Variants in DDAH1 observed in about 807,000 individuals in gnomAD.
The protein encoded by DDAH1 is N(G),N(G)-dimethylarginine dimethylaminohydrolase 1.
A neutral mutation model predicts 28.8 loss-of-function variants in DDAH1; 19 were observed. That is an observed-to-expected ratio of 0.66 (90% CI 0.46 to 0.97). The LOEUF (loss-of-function observed/expected upper bound fraction) is 0.97. DDAH1 is among the 50% of genes least tolerant of loss of function. The probability of loss-of-function intolerance (pLI) is 0.00; values close to 1 mark genes in which losing one functional copy is unlikely to be tolerated. For missense variants in DDAH1, 326 were observed against 375.9 expected (o/e 0.87, Z 1.10); for synonymous variants, 153 against 154.4 (o/e 0.99, Z 0.07).
chr1:85,568,068 TCTAAATAAC>T (rs1482767081), intron 1 of DDAH1, among the ~76,000 whole-genome samples: 1 of 152,078 alleles, frequency 6.6e-6, no homozygotes, highest in Non-Finnish European at 1.5e-5. Context: ...ATAACACACT[TCTAAATAAC>T]CTGAGTCAAA....
At chr1:85,332,405 C>T (rs1489778452) in intron 4 of DDAH1, among the ~76,000 whole-genome samples, 1 of 152,210 alleles carries the variant, frequency 6.6e-6, no homozygotes, top group Non-Finnish European at 1.5e-5. Context: ...CCTGGGGCCA[C>T]TGTCAATGAA....
intron 1 of DDAH1, among the ~76,000 whole-genome samples, chr1:85,499,583 G>A (rs939281173): frequency 6.6e-6 from 1 of 151,834 alleles, no homozygotes; most frequent in Non-Finnish European, 1.5e-5. Flanking sequence ...GCTGAGGCAG[G>A]AGAATTGCTT....
intron 5 of DDAH1, among the ~76,000 whole-genome samples, chr1:85,324,372 C>A (rs942402646): frequency 1.3e-5 from 2 of 151,792 alleles, no homozygotes; most frequent in African/African-American, 4.8e-5. Context: ...TGTCAGAAAA[C>A]AGCGATACCG....
chr1:85,367,391 G>T (rs1650131476), intron 1 of DDAH1, among the ~76,000 whole-genome samples: 1 of 152,126 alleles, frequency 6.6e-6, no homozygotes, highest in Non-Finnish European at 1.5e-5. Context: ...GCGCTCTGAG[G>T]ATTTGAGTAG....
intron 1 of DDAH1, among the ~76,000 whole-genome samples, chr1:85,449,492 C>T (rs1039162927): frequency 6.6e-6 from 1 of 152,116 alleles, no homozygotes; most frequent in African/African-American, 2.4e-5. Flanking sequence ...GGCTGACCAA[C>T]AGACCTATTG....
rs776231788 is a variant in DDAH1 at position 85,350,364 on chromosome 1, C to T, written c.597+51G>A. 1.9e-6 allele frequency: 3 copies of T among 1,590,566 alleles called. No individual in the cohort carries two copies. The South Asian group carries it at 3.5e-5, about 18-fold the overall frequency. ...CCCAGCAGAGAGAATGTGAAAAACC[C>T]TGTGGCAGGCACCCCCACTACATTT... On this transcript the variant is annotated intron_variant, in intron 4 of 5. Coordinates refer to ENST00000284031, the MANE Select transcript of DDAH1 (RefSeq NM_012137.4).
intron 1 of DDAH1, among the ~76,000 whole-genome samples, chr1:85,430,777 T>C (rs539291142): frequency 6.6e-6 from 1 of 152,284 alleles, no homozygotes; most frequent in East Asian, 1.9e-4. Flanking sequence ...CTTATCAGCT[T>C]AGGGAGATAT....
chr1:85,321,399 G>C lies in DDAH1; in HGVS notation c.*53C>G. On this transcript the variant is annotated 3_prime_UTR_variant, in exon 6 of 6. Transcript: ENST00000284031. Reference sequence around the variant, plus strand: ...GGAAAACAACAGGAGTGGGCACAGAGTCATCGGCCTTGCCTGTGCGGTCTT... The same window carrying C: ...GGAAAACAACAGGAGTGGGCACAGACTCATCGGCCTTGCCTGTGCGGTCTT... The C allele has an allele frequency of 8.9e-7, 1 of 1,125,148 alleles. No individual in the cohort carries two copies. The highest frequency in any genetic ancestry group is 1.4e-6 in the Non-Finnish European group (1 of 735,372). 69.7% of individuals were successfully genotyped at this position (1,125,148 alleles called of 1,614,324 possible).
At chr1:85,511,903 C>T (rs879448234) in intron 1 of DDAH1, among the ~76,000 whole-genome samples, 32 of 152,212 alleles carry the variant, frequency 2.1e-4, no homozygotes, top group East Asian at 5.8e-4. Flanking sequence ...GATTCACAGC[C>T]GAATTCTACC....
At chr1:85,383,468 G>C (rs2100912813) in intron 1 of DDAH1, among the ~76,000 whole-genome samples, 1 of 152,278 alleles carries the variant, frequency 6.6e-6, no homozygotes, top group African/African-American at 2.4e-5. Context: ...AACTGCTCCT[G>C]GTGAAGATGC....
chr1:85,472,749 A>T (rs565146795), intron 2 of DDAH1, among the ~76,000 whole-genome samples: 158 of 152,298 alleles, frequency 1.0e-3, no homozygotes, highest in South Asian at 3.7e-3. Context: ...TTCAGCGGGT[A>T]CATGTGCGGG....
intron 4 of DDAH1, among the ~76,000 whole-genome samples, chr1:85,347,611 T>C (rs918295898): frequency 6.6e-6 from 1 of 151,480 alleles, no homozygotes; most frequent in Non-Finnish European, 1.5e-5. Context: ...CACCGGGGCC[T>C]GTCGTGGGAT....
intron 1 of DDAH1, among the ~76,000 whole-genome samples, chr1:85,497,667 A>G (rs879423321): frequency 1.3e-5 from 2 of 152,238 alleles, no homozygotes; most frequent in Admixed American, 6.5e-5. Context: ...ATGATTAGGA[A>G]GTACATATTT....
intron 2 of DDAH1, among the ~76,000 whole-genome samples, chr1:85,472,308 T>A (rs2100704388): frequency 6.6e-6 from 1 of 152,314 alleles, no homozygotes; most frequent in Admixed American, 6.5e-5. Context: ...TAGCATTAGA[T>A]CATACCTTTT....
chr1:85,512,283 T>C (rs1371947202), intron 1 of DDAH1, among the ~76,000 whole-genome samples: 2 of 152,278 alleles, frequency 1.3e-5, no homozygotes, highest in East Asian at 3.9e-4. Flanking sequence ...GAAAAGGCCT[T>C]TGACAAAATT....
At position 85,354,347 on chromosome 1, in the gene DDAH1, T is replaced by C. The variant is rs187421809; in HGVS notation, c.404-2768A>G. Among the ~76,000 whole-genome samples the C allele has an allele frequency of 4.6e-5, 7 of 152,266 alleles. No individual in the cohort carries two copies. The East Asian group carries it at 9.6e-4, about 21-fold the overall frequency. On this transcript the variant is annotated intron_variant, in intron 2 of 5. Transcript: ENST00000284031. Reference sequence around the variant, plus strand: ...ATGGTTAATTAGATGCTCATTCATATATTTTTTTAATAGGACTACTGTGTG... The same window carrying C: ...ATGGTTAATTAGATGCTCATTCATACATTTTTTTAATAGGACTACTGTGTG...
At chr1:85,431,349 T>C (rs113407895) in intron 1 of DDAH1, among the ~76,000 whole-genome samples, 2 of 152,270 alleles carry the variant, frequency 1.3e-5, no homozygotes, top group African/African-American at 2.4e-5. Flanking sequence ...TGGCCTGAAA[T>C]TGATAGGAGG....
intron 4 of DDAH1, among the ~76,000 whole-genome samples, chr1:85,345,053 A>G (rs77318698): frequency 0.017 from 2,604 of 152,320 alleles, 66 homozygotes; most frequent in East Asian, 0.12. Context: ...TACAAAGTGT[A>G]ATATATAAAG....
intron 1 of DDAH1, among the ~76,000 whole-genome samples, chr1:85,367,281 T>C (rs987850951): frequency 2.0e-5 from 3 of 152,232 alleles, no homozygotes; most frequent in Non-Finnish European, 4.4e-5. Context: ...TGCTTTGTCC[T>C]ACTCCTGACC....
Sources: gnomAD v4.1 joint callset for allele counts (sites outside exome capture counted in the v4.1 genomes callset) on GRCh38, gnomAD v4.1.1 for gene constraint, MANE v1.5 for transcripts, NCBI Gene and HGNC (gene_info 2026-07-23, HGNC 2026-07-21) for gene names.